The following SLC39A9 variants were observed in gnomAD, a reference collection of about 807,000 sequenced individuals.
SLC39A9 encodes solute carrier family 39 member 9.
A neutral mutation model predicts 28.4 loss-of-function variants in SLC39A9; 14 were observed. The ratio of observed to expected loss-of-function variants is 0.49; its 90% CI spans 0.33 to 0.77. The LOEUF (loss-of-function observed/expected upper bound fraction) is 0.77, where lower values mean the gene tolerates loss of function less well. SLC39A9 is among the 30% of genes least tolerant of loss of function. The pLI is 0.02. For missense variants in SLC39A9, 283 were observed against 381.1 expected (o/e 0.74, Z 2.14); for synonymous variants, 119 against 149.6 (o/e 0.80, Z 1.49).
chr14:69,418,990 G>A (rs1451291345), intron 1 of SLC39A9, among the ~76,000 whole-genome samples: 3 of 152,016 alleles, frequency 2.0e-5, no homozygotes, highest in Non-Finnish European at 4.4e-5. Flanking sequence ...AGGGTTTTTT[G>A]CATCTCTATG....
intron 3 of SLC39A9, among the ~76,000 whole-genome samples, chr14:69,443,662 G>T (rs1480441811): frequency 6.6e-6 from 1 of 152,038 alleles, no homozygotes; most frequent in Non-Finnish European, 1.5e-5. Context: ...TTGAGTTCAG[G>T]AGTTTGAGAC....
chr14:69,418,669 T>C (rs1312996147), intron 1 of SLC39A9, among the ~76,000 whole-genome samples: 1 of 152,190 alleles, frequency 6.6e-6, no homozygotes. Flanking sequence ...CTATTAATTA[T>C]TGCCTCAGTT....
intron 2 of SLC39A9, among the ~76,000 whole-genome samples, chr14:69,435,597 T>G (rs574509750): frequency 2.6e-4 from 39 of 152,198 alleles, no homozygotes; most frequent in Non-Finnish European, 4.6e-4. Context: ...GTGAGCCACG[T>G]GATCTTAATT....
At chr14:69,441,648 A>C (rs1278383621) in intron 2 of SLC39A9, among the ~76,000 whole-genome samples, 3 of 152,236 alleles carry the variant, frequency 2.0e-5, no homozygotes, top group African/African-American at 7.2e-5. Context: ...GGTATAAACT[A>C]GATGAATTTG....
At position 69,416,947 on chromosome 14, in the gene SLC39A9, T is replaced by C. The variant is rs552536231; in HGVS notation, c.97-7147T>C. ...GCCTGTTCACTCTGATGGTAGTTTC[T>C]TTTGCCGTGCAGAAGCTCTTTAGTT... is the stretch of plus-strand genomic sequence containing the variant. On this transcript the variant is annotated intron_variant, in intron 1 of 6. Transcript: ENST00000336643. 2.0e-3 allele frequency among the ~76,000 whole-genome samples: 305 copies of C among 152,342 alleles called. 1 individual carries two copies. Among genetic ancestry groups the C allele is most frequent in the African/African-American group, 7.1e-3 (294 of 41,582 alleles).
chr14:69,434,241 G>A (rs559637338), intron 2 of SLC39A9, among the ~76,000 whole-genome samples: 7 of 151,278 alleles, frequency 4.6e-5, no homozygotes, highest in Middle Eastern at 3.4e-3. Flanking sequence ...CCACCACCGC[G>A]TCCTGCTAAT....
chr14:69,446,978 A>G lies in SLC39A9; in HGVS notation c.403+4712A>G, dbSNP rs184096616. 3.7e-3 allele frequency among the ~76,000 whole-genome samples: 568 copies of G among 151,810 alleles called. 5 individuals are homozygous for G. Among genetic ancestry groups the G allele is most frequent in the Middle Eastern group, 0.014 (4 of 290 alleles). On this transcript the variant is annotated intron_variant, in intron 3 of 6. Transcript: ENST00000336643. ...GAGAGAGAGAGAGAGCGAGAGAGAG[A>G]GAGAGAGCACTTGCTTATAGTAGAA...
chr14:69,407,693 C>T (rs1050237640), intron 1 of SLC39A9, among the ~76,000 whole-genome samples: 1 of 151,066 alleles, frequency 6.6e-6, no homozygotes, highest in African/African-American at 2.4e-5. Flanking sequence ...GGCTGGAGTG[C>T]AATGGCACGA....
At chr14:69,442,393 C>T (rs1224246937) in intron 3 of SLC39A9, 127 bp downstream of exon 3, 1 of 877,776 alleles carries the variant, frequency 1.1e-6, no homozygotes, top group Non-Finnish European at 1.8e-6. Context: ...TCCTTGGGTT[C>T]TAGTGAACAT....
At chr14:69,434,089 T>C (rs996914886) in intron 2 of SLC39A9, among the ~76,000 whole-genome samples, 1 of 149,828 alleles carries the variant, frequency 6.7e-6, no homozygotes, top group East Asian at 2.0e-4. Flanking sequence ...TTTTCTTTTT[T>C]TTTTTTTTTT....
intron 1 of SLC39A9, among the ~76,000 whole-genome samples, chr14:69,400,747 G>A (rs887219634): frequency 6.6e-6 from 1 of 152,178 alleles, no homozygotes; most frequent in Non-Finnish European, 1.5e-5. Context: ...CCCATAGCCA[G>A]ATGGAACAGA....
intron 1 of SLC39A9, among the ~76,000 whole-genome samples, chr14:69,418,252 T>C (rs1289883739): frequency 6.6e-6 from 1 of 152,154 alleles, no homozygotes; most frequent in African/African-American, 2.4e-5. Context: ...GTTCTGTTTA[T>C]GTGATGGATT....
At chr14:69,453,114 A>G (rs879121530) in intron 3 of SLC39A9, 127 bp from the exon 4 acceptor site, 5 of 695,678 alleles carry the variant, frequency 7.2e-6, no homozygotes, top group South Asian at 1.7e-5. Flanking sequence ...AGGCGGGCGG[A>G]TCATTGGAGG....
At chr14:69,449,543 T>C (rs965970926) in intron 3 of SLC39A9, among the ~76,000 whole-genome samples, 1 of 152,000 alleles carries the variant, frequency 6.6e-6, no homozygotes, top group African/African-American at 2.4e-5. Context: ...GAGGATTGCT[T>C]GAGCCCAGGA....
intron 3 of SLC39A9, among the ~76,000 whole-genome samples, chr14:69,447,394 C>G (rs1885380668): frequency 6.6e-6 from 1 of 152,120 alleles, no homozygotes; most frequent in Middle Eastern, 3.2e-3. Flanking sequence ...CAGTAGTCAG[C>G]CCCCTGTGGG....
chr14:69,414,050 C>CTTTTT (rs1186216595), intron 1 of SLC39A9, among the ~76,000 whole-genome samples: 1 of 132,200 alleles, frequency 7.6e-6, no homozygotes. Flanking sequence ...ATTTCATATT[C>CTTTTT]TTTTTTTTTT....
At chr14:69,446,945 TATAGAG>T (rs1885349623) in intron 3 of SLC39A9, among the ~76,000 whole-genome samples, 2 of 131,782 alleles carry the variant, frequency 1.5e-5, no homozygotes, top group East Asian at 2.2e-4. Flanking sequence ...TATATATATA[TATAGAG>T]AGAGAGAGAG....
chr14:69,409,425 G>A (rs768942527), intron 1 of SLC39A9, among the ~76,000 whole-genome samples: 7 of 152,012 alleles, frequency 4.6e-5, no homozygotes, highest in Non-Finnish European at 1.0e-4. Flanking sequence ...TGTAGCCTCC[G>A]CACCCTGGGC....
intron 2 of SLC39A9, among the ~76,000 whole-genome samples, chr14:69,436,864 T>C (rs757585583): frequency 2.2e-4 from 33 of 152,302 alleles, no homozygotes; most frequent in Middle Eastern, 3.4e-3. Flanking sequence ...CTTGGGCTTC[T>C]ATCAAAAGAA....
Sources: allele counts gnomAD v4.1 joint callset (sites outside exome capture counted in the v4.1 genomes callset), GRCh38; gene constraint gnomAD v4.1.1; transcripts MANE v1.5; gene names NCBI Gene and HGNC (gene_info 2026-07-23, HGNC 2026-07-21).